The following SAMD12 variants were observed in gnomAD, a reference collection of about 807,000 sequenced individuals.
The protein encoded by SAMD12 is sterile alpha motif domain containing 12.
Under a neutral mutation model 15.0 loss-of-function variants are expected in SAMD12, and 9 were observed. That is an observed-to-expected ratio of 0.60 (90% CI 0.36 to 1.05). SAMD12 has a LOEUF of 1.05. SAMD12 is among the 50% of genes least tolerant of loss of function. SAMD12 has a pLI of 0.01. For missense variants in SAMD12, 230 were observed against 234.2 expected, an observed-to-expected ratio of 0.98 and a Z score of 0.12; for synonymous variants, 86 against 90.1, an observed-to-expected ratio of 0.96 and a Z score of 0.25.
chr8:118,166,199 A>G, the SAMD12 span, among the ~76,000 whole-genome samples: 69 of 152,298 alleles, frequency 4.5e-4, no homozygotes, highest in African/African-American at 1.5e-3. Flanking sequence ...AAATGGATAT[A>G]AGGGGTCTAT....
intron 2 of SAMD12, among the ~76,000 whole-genome samples, chr8:118,570,325 C>T (rs545468534): frequency 6.6e-6 from 1 of 152,180 alleles, no homozygotes; most frequent in African/African-American, 2.4e-5. Flanking sequence ...AGCTTAGTAC[C>T]CATTAGATAT....
At chr8:118,264,221 T>C (rs1255721887) in intron 4 of SAMD12, among the ~76,000 whole-genome samples, 2 of 152,118 alleles carry the variant, frequency 1.3e-5, no homozygotes, top group East Asian at 1.9e-4. Context: ...AATGTGTTTA[T>C]GTAGTACAAA....
At chr8:118,350,674 T>G (rs1817918137) in intron 4 of SAMD12, among the ~76,000 whole-genome samples, 1 of 152,230 alleles carries the variant, frequency 6.6e-6, no homozygotes, top group Non-Finnish European at 1.5e-5. Flanking sequence ...CAAATGTCTA[T>G]TAAGTGAATG....
At chr8:118,424,050 T>A (rs914312828) in intron 3 of SAMD12, among the ~76,000 whole-genome samples, 37 of 152,272 alleles carry the variant, frequency 2.4e-4, no homozygotes, top group African/African-American at 8.7e-4. Flanking sequence ...GGGTTGATAT[T>A]TAAAATAATC....
At chr8:118,543,029 G>GA (rs1171283108) in intron 2 of SAMD12, among the ~76,000 whole-genome samples, 5 of 150,922 alleles carry the variant, frequency 3.3e-5, no homozygotes, top group Non-Finnish European at 7.4e-5. Context: ...ATGAAAGGAT[G>GA]AAAAAAAGGA....
intron 2 of SAMD12, among the ~76,000 whole-genome samples, chr8:118,478,146 T>G (rs1351276457): frequency 6.6e-6 from 1 of 152,148 alleles, no homozygotes; most frequent in Admixed American, 6.5e-5. Flanking sequence ...TCCTTTTATA[T>G]CAAATTAATT....
chr8:118,608,572 T>G, intron 1 of SAMD12, among the ~76,000 whole-genome samples: 1 of 152,108 alleles, frequency 6.6e-6, no homozygotes, highest in Non-Finnish European at 1.5e-5. Flanking sequence ...GGCATGATCT[T>G]GGCTCACTGC....
chr8:118,442,864 A>T (rs1201216777), intron 2 of SAMD12, among the ~76,000 whole-genome samples: 1 of 152,228 alleles, frequency 6.6e-6, no homozygotes, highest in Non-Finnish European at 1.5e-5. Flanking sequence ...TTGCTTATAC[A>T]TCAATATATT....
chr8:118,427,843 G>A (rs916267941), intron 3 of SAMD12, among the ~76,000 whole-genome samples: 6 of 152,288 alleles, frequency 3.9e-5, no homozygotes, highest in African/African-American at 1.2e-4. Flanking sequence ...AACTTCATAA[G>A]AAACTTGACA....
rs190961850 is a variant in SAMD12, at chr8:118,348,444, C to T, written c.433+31116G>A. On this transcript the variant is annotated intron_variant, in intron 4 of 4. Transcript: ENST00000409003. ...GGAGTGCAGTGGTGTGACGTCCGCT[C>T]ACCGCAAGCTCCGCCCCCCGGGGTT... Among the ~76,000 whole-genome samples the T allele has an allele frequency of 6.8e-3, 1,031 of 151,886 alleles. 9 individuals carry two copies. Among genetic ancestry groups the T allele is most frequent in the Non-Finnish European group, 0.011 (776 of 67,932 alleles).
intron 3 of SAMD12, among the ~76,000 whole-genome samples, chr8:118,420,602 C>T (rs760721992): frequency 1.1e-4 from 17 of 152,112 alleles, no homozygotes; most frequent in Non-Finnish European, 1.8e-4. Context: ...AATAAATATT[C>T]GTATAGAGAA....
intron 4 of SAMD12, among the ~76,000 whole-genome samples, chr8:118,243,831 T>G (rs1164235952): frequency 6.6e-6 from 1 of 152,104 alleles, no homozygotes; most frequent in Non-Finnish European, 1.5e-5. Flanking sequence ...TTTAAAGAGC[T>G]GAGCTTTTGG....
In SAMD12 at chr8:118,561,772, A is replaced by G. The variant is rs891409425; in HGVS notation, c.192+18943T>C. 2.0e-5 allele frequency among the ~76,000 whole-genome samples: 3 copies of G among 152,318 alleles called. No homozygotes were observed. In the East Asian group the frequency reaches 5.8e-4, roughly 29 times the overall value. Reference sequence around the variant, plus strand: ...TGAGATTTGGATGCAGACACTGCCAAATCACATCAGTCTTAAAACTACCGT... The same window carrying G: ...TGAGATTTGGATGCAGACACTGCCAGATCACATCAGTCTTAAAACTACCGT... On this transcript the variant is annotated intron_variant, in intron 2 of 3. Coordinates refer to ENST00000314727, the MANE Select transcript of SAMD12 (RefSeq NM_207506.3).
chr8:118,236,928 CA>C (rs1307971796), intron 4 of SAMD12, among the ~76,000 whole-genome samples: 2 of 152,088 alleles, frequency 1.3e-5, no homozygotes, highest in Non-Finnish European at 2.9e-5. Context: ...GACCAAAGGG[CA>C]GAAGGGACAT....
intron 2 of SAMD12, among the ~76,000 whole-genome samples, chr8:118,484,989 G>C (rs1252943591): frequency 6.6e-6 from 1 of 152,154 alleles, no homozygotes; most frequent in African/African-American, 2.4e-5. Flanking sequence ...ATGCTTGTGG[G>C]TGGTCCTGAC....
the SAMD12 span, among the ~76,000 whole-genome samples, chr8:118,146,602 C>T: frequency 6.6e-6 from 1 of 152,126 alleles, no homozygotes; most frequent in Non-Finnish European, 1.5e-5. Context: ...CTCGTTTGTC[C>T]ACTATTTTTA....
chr8:118,165,589 T>C, the SAMD12 span, among the ~76,000 whole-genome samples: 27 of 108,794 alleles, frequency 2.5e-4, no homozygotes, highest in African/African-American at 9.6e-4. Flanking sequence ...TAAATCTATA[T>C]ATATACATAT....
At chr8:118,279,678 T>C (rs769711947) in intron 4 of SAMD12, among the ~76,000 whole-genome samples, 8 of 152,244 alleles carry the variant, frequency 5.3e-5, no homozygotes, top group Non-Finnish European at 1.0e-4. Context: ...GTGGTGTGCA[T>C]TGTCAGTGCT....
intron 2 of SAMD12, among the ~76,000 whole-genome samples, chr8:118,486,429 G>GAA (rs1417660183): frequency 6.7e-6 from 1 of 150,244 alleles, no homozygotes; most frequent in Non-Finnish European, 1.5e-5. Flanking sequence ...AAAAAAAAGA[G>GAA]AGAGAGAGTA....
Sources: gnomAD v4.1 joint callset for allele counts (sites outside exome capture counted in the v4.1 genomes callset) on GRCh38, gnomAD v4.1.1 for gene constraint, MANE v1.5 for transcripts, NCBI Gene and HGNC (gene_info 2026-07-23, HGNC 2026-07-21) for gene names.